The following ADAMTS12 variants were observed in gnomAD, a reference collection of about 807,000 sequenced individuals.
The protein encoded by ADAMTS12 is ADAM metallopeptidase with thrombospondin type 1 motif 12.
ADAMTS12 carries 118 observed loss-of-function variants against 167.8 expected under a neutral mutation model. That is an observed-to-expected ratio of 0.70 (90% CI 0.61 to 0.82). The LOEUF is 0.82. Ranked by LOEUF, ADAMTS12 falls within the 40% of genes least tolerant of loss-of-function variation. The pLI is 0.00. For synonymous variants in ADAMTS12, 704 were observed against 716.9 expected, an observed-to-expected ratio of 0.98 and a Z score of 0.29; for missense variants, 1,916 against 1,998.8, an observed-to-expected ratio of 0.96 and a Z score of 0.79.
rs534606258 is a variant in ADAMTS12, at chr5:33,712,364, T to C, written c.635-28309A>G. ...CCCTCAAGAAGTAAAATGCTTTCAATGCTCTTTCGAGGTGGGTTTCAAATA... is the reference window on the plus strand; with the variant it reads ...CCCTCAAGAAGTAAAATGCTTTCAACGCTCTTTCGAGGTGGGTTTCAAATA... On this transcript the variant is annotated intron_variant, in intron 3 of 23. Transcript: ENST00000504830. 2.0e-5 allele frequency among the ~76,000 whole-genome samples: 3 copies of C among 152,260 alleles called. No homozygotes were observed. The East Asian group carries it at 5.8e-4, about 29-fold the overall frequency.
At chr5:33,763,138 T>A (rs1019941858) in intron 2 of ADAMTS12, among the ~76,000 whole-genome samples, 7 of 152,180 alleles carry the variant, frequency 4.6e-5, no homozygotes, top group African/African-American at 1.7e-4. Context: ...CTGAATATAG[T>A]CCCCCAAAGC....
At chr5:33,681,791 A>G (rs977402862) in intron 5 of ADAMTS12, among the ~76,000 whole-genome samples, 2 of 152,200 alleles carry the variant, frequency 1.3e-5, no homozygotes, top group African/African-American at 4.8e-5. Flanking sequence ...ACTGAGAACC[A>G]CAAGTGCATA....
intron 2 of ADAMTS12, among the ~76,000 whole-genome samples, chr5:33,850,910 G>C (rs1235053678): frequency 6.6e-6 from 1 of 152,162 alleles, no homozygotes; most frequent in African/African-American, 2.4e-5. Flanking sequence ...GAGTTCCTGA[G>C]TTCTATAAGA....
At chr5:33,620,621 C>G (rs1463292736) in intron 14 of ADAMTS12, among the ~76,000 whole-genome samples, 1 of 152,112 alleles carries the variant, frequency 6.6e-6, no homozygotes, top group African/African-American at 2.4e-5. Context: ...GCAAATGGTG[C>G]CATGTGTGGC....
At chr5:33,704,979 T>G (rs887846121) in intron 3 of ADAMTS12, among the ~76,000 whole-genome samples, 3 of 152,052 alleles carry the variant, frequency 2.0e-5, no homozygotes, top group African/African-American at 7.2e-5. Flanking sequence ...ATCTTGAGGG[T>G]TTTTTTGTAT....
chr5:33,832,939 A>G (rs1029647908), intron 2 of ADAMTS12, among the ~76,000 whole-genome samples: 5 of 145,598 alleles, frequency 3.4e-5, no homozygotes, highest in African/African-American at 1.1e-4. Context: ...TTATTCCTCT[A>G]TCTTTAACTT....
intron 2 of ADAMTS12, among the ~76,000 whole-genome samples, chr5:33,751,837 C>G (rs1032948977): frequency 2.6e-5 from 4 of 152,220 alleles, no homozygotes; most frequent in Non-Finnish European, 4.4e-5. Context: ...TTTAGGTTCA[C>G]AGATTCCTCT....
chr5:33,581,973 C>T (rs1747086405), intron 18 of ADAMTS12, among the ~76,000 whole-genome samples: 6 of 152,110 alleles, frequency 3.9e-5, no homozygotes, highest in Non-Finnish European at 1.5e-5. Flanking sequence ...GGGGGAAAGG[C>T]GTGGAACAAT....
At chr5:33,631,043 G>A in intron 12 of ADAMTS12, 130 bp from the exon 13 acceptor site, 1 of 993,422 alleles carries the variant, frequency 1.0e-6, no homozygotes, top group Non-Finnish European at 1.5e-6. Flanking sequence ...ACCTCCTTGA[G>A]ACACATGCTG....
rs1027735642 is a variant in ADAMTS12 at position 33,526,059 on chromosome 5, G to C, written c.*1129C>G. 6.6e-6 allele frequency: 1 copy of C among 152,174 alleles called. No homozygotes were observed. The highest frequency in any genetic ancestry group is 6.5e-5 in the Admixed American group (1 of 15,278). 9.4% of individuals were successfully genotyped at this position (152,174 alleles called of 1,614,324 possible). A position where few individuals can be genotyped will look rare whatever the true frequency, so the allele number is the denominator to read the frequency against. ...CTAACTACATATTGGGTACACTGAG[G>C]AGTAGATCCCCTTTACCTTACTTTT... On this transcript the variant is annotated 3_prime_UTR_variant, in exon 24 of 24. Coordinates refer to ENST00000504830, the MANE Select transcript of ADAMTS12 (RefSeq NM_030955.4).
chr5:33,786,926 G>C (rs988370081), intron 2 of ADAMTS12, among the ~76,000 whole-genome samples: 2 of 152,144 alleles, frequency 1.3e-5, no homozygotes, highest in Non-Finnish European at 2.9e-5. Flanking sequence ...TGGTCCATCA[G>C]AAGGGATCCC....
chr5:33,667,255 T>C (rs757884077), intron 5 of ADAMTS12, among the ~76,000 whole-genome samples: 3 of 145,236 alleles, frequency 2.1e-5, no homozygotes, highest in Non-Finnish European at 3.0e-5. Flanking sequence ...GAGGCGGAGG[T>C]TGCAGTGAGC....
At chr5:33,596,665 G>C (rs1392565124) in intron 16 of ADAMTS12, among the ~76,000 whole-genome samples, 1 of 152,220 alleles carries the variant, frequency 6.6e-6, no homozygotes, top group Admixed American at 6.5e-5. Context: ...CTGGGCAACA[G>C]AGCGAGACTC....
At chr5:33,584,721 C>G (rs1222239014) in intron 18 of ADAMTS12, among the ~76,000 whole-genome samples, 2 of 152,210 alleles carry the variant, frequency 1.3e-5, no homozygotes, top group African/African-American at 4.8e-5. Flanking sequence ...AGAGAATTAG[C>G]ACTGGCTCAA....
chr5:33,755,635 T>C (rs947209196), intron 2 of ADAMTS12, among the ~76,000 whole-genome samples: 1 of 152,104 alleles, frequency 6.6e-6, no homozygotes, highest in African/African-American at 2.4e-5. Context: ...CCTTGAAGAG[T>C]CACCCACCCC....
At chr5:33,737,499 C>T (rs1371004495) in intron 3 of ADAMTS12, among the ~76,000 whole-genome samples, 1 of 152,088 alleles carries the variant, frequency 6.6e-6, no homozygotes, top group African/African-American at 2.4e-5. Flanking sequence ...AGATTGGTTG[C>T]ACAACAATGT....
intron 21 of ADAMTS12, among the ~76,000 whole-genome samples, chr5:33,547,068 G>C (rs1745019794): frequency 6.6e-6 from 1 of 152,128 alleles, no homozygotes; most frequent in Non-Finnish European, 1.5e-5. Context: ...TTCCAGCTTT[G>C]AGAATCAACA....
intron 2 of ADAMTS12, among the ~76,000 whole-genome samples, chr5:33,835,535 C>A (rs886487166): frequency 6.6e-6 from 1 of 152,148 alleles, no homozygotes; most frequent in Non-Finnish European, 1.5e-5. Context: ...CAGTATCTGG[C>A]GAGGGCCTGT....
Position 33,588,737 on chromosome 5 carries a change from C to T in ADAMTS12, c.2727G>A (p.Leu909=), listed in dbSNP as rs1037009705. 2 of 1,614,164 alleles carry T rather than the reference C, an allele frequency of 1.2e-6. No homozygotes were observed. The highest frequency in any genetic ancestry group is 1.7e-5 in the Admixed American group (1 of 60,024). ...CGTCAGAGACCATGGTCTGGATGCA[C>T]AGCACGGTTCGCTTCTTCTCCCCGT... ...GPHGEKKRTV[L]CIQTMVSDEQ... is the part of the protein sequence containing the mutation. Residue 909 remains leucine, a synonymous_variant, in exon 18 of 24, where the codon CTG becomes CTA. Transcript: ENST00000504830.
Sources: allele counts gnomAD v4.1 joint callset (sites outside exome capture counted in the v4.1 genomes callset), GRCh38; gene constraint gnomAD v4.1.1; transcripts MANE v1.5; gene names NCBI Gene and HGNC (gene_info 2026-07-23, HGNC 2026-07-21).